PCDH15: variants seen among roughly 807,000 people sequenced by gnomAD.
PCDH15 encodes protocadherin-15.
In PCDH15, 129 loss-of-function variants were observed where a neutral mutation model predicts 178.5. The ratio of observed to expected loss-of-function variants is 0.72; its 90% CI spans 0.63 to 0.84. The LOEUF (loss-of-function observed/expected upper bound fraction) is 0.84, where lower values mean the gene tolerates loss of function less well. Among genes scored for constraint, PCDH15 ranks in the 40% least tolerant of loss-of-function variants. The pLI is 0.00. For missense variants in PCDH15, 2,230 were observed against 2,099.9 expected (o/e 1.06, Z -1.21); for synonymous variants, 800 against 732.0 (o/e 1.09, Z -1.50).
At chr10:53,949,928 C>A (rs930343912) in intron 23 of PCDH15, among the ~76,000 whole-genome samples, 1 of 152,068 alleles carries the variant, frequency 6.6e-6, no homozygotes, top group Non-Finnish European at 1.5e-5. Context: ...AGGTATAATG[C>A]TAATCCTTTG....
At chr10:54,066,334 G>A (rs535354805) in intron 18 of PCDH15, among the ~76,000 whole-genome samples, 1 of 152,178 alleles carries the variant, frequency 6.6e-6, no homozygotes, top group East Asian at 1.9e-4. Flanking sequence ...GCTGGAAAAG[G>A]TGTGTGTGCA....
chr10:54,782,695 C>G lies in PCDH15; in HGVS notation c.-29+18230G>C, dbSNP rs922330121. The stretch of plus-strand genomic sequence containing the variant: ...CAAGCTTATACACGACCTCAGGGAC[C>G]TAAGAACTAGCCCACCAAGCTTGCT... On this transcript the variant is annotated intron_variant, in intron 1 of 37. Coordinates refer to ENST00000644397, the MANE Select transcript of PCDH15 (RefSeq NM_001384140.1). Among the ~76,000 whole-genome samples the G allele has an allele frequency of 7.2e-5, 11 of 151,974 alleles. 1 individual carries two copies. The highest frequency in any genetic ancestry group is 4.1e-4 in the South Asian group (2 of 4,826).
chr10:55,396,001 T>C (rs1298071944), intron 2 of PCDH15, among the ~76,000 whole-genome samples: 1 of 152,192 alleles, frequency 6.6e-6, no homozygotes, highest in Non-Finnish European at 1.5e-5. Flanking sequence ...AAATGCTATA[T>C]AAGCTAGCAT....
At chr10:55,139,491 A>G (rs1272975282) in intron 2 of PCDH15, among the ~76,000 whole-genome samples, 2 of 151,988 alleles carry the variant, frequency 1.3e-5, no homozygotes, top group African/African-American at 4.8e-5. Flanking sequence ...GAGGTTCATT[A>G]TTTGCCTTTA....
Position 54,786,551 on chromosome 10 carries a change from CA to C in PCDH15, c.-29+14373del, listed in dbSNP as rs1950894542. Among the ~76,000 whole-genome samples the C allele has an allele frequency of 2.0e-5, 3 of 151,912 alleles. No individual in the cohort carries two copies. In the South Asian group the frequency reaches 6.2e-4, roughly 31 times the overall value. On this transcript the variant is annotated intron_variant, in intron 1 of 37. Coordinates refer to ENST00000644397, the MANE Select transcript of PCDH15 (RefSeq NM_001384140.1). ...CACAAGAAACAGCTGTCTTGAGAAA[CA>C]AATCTGATTTATTCATTTAATAAAC...
intron 16 of PCDH15, among the ~76,000 whole-genome samples, chr10:54,089,451 T>C (rs917774674): frequency 6.6e-6 from 1 of 152,198 alleles, no homozygotes; most frequent in African/African-American, 2.4e-5. Context: ...CTGCTCCCAG[T>C]TTTCTCAATA....
At chr10:54,180,409 TAA>T (rs2047879955) in intron 13 of PCDH15, among the ~76,000 whole-genome samples, 1 of 152,226 alleles carries the variant, frequency 6.6e-6, no homozygotes, top group Non-Finnish European at 1.5e-5. Flanking sequence ...CACATCAGGC[TAA>T]AAGAGTCTCA....
rs568853084 is a variant in PCDH15, at chr10:53,987,068, C to T, written c.2868+8581G>A. Reference sequence around the variant, plus strand: ...TTTGCATATGAGGGGCCATCATACACCAGACACAATTCATACAAAGAAAAG... The same window carrying T: ...TTTGCATATGAGGGGCCATCATACATCAGACACAATTCATACAAAGAAAAG... On this transcript the variant is annotated intron_variant, in intron 21 of 37. Coordinates refer to ENST00000644397, the MANE Select transcript of PCDH15 (RefSeq NM_001384140.1). Among the ~76,000 whole-genome samples, 255 of 151,948 alleles carry T rather than the reference C, an allele frequency of 1.7e-3. 7 individuals are homozygous for T. In the South Asian group the frequency reaches 0.05, roughly 30 times the overall value.
intron 32 of PCDH15, among the ~76,000 whole-genome samples, chr10:53,827,004 A>G (rs2076722782): frequency 1.3e-5 from 2 of 151,882 alleles, no homozygotes; most frequent in African/African-American, 4.8e-5. Flanking sequence ...ATTGTGCTTT[A>G]TTTCTCTCGT....
At chr10:53,899,150 G>GC (rs1333769869) in intron 26 of PCDH15, among the ~76,000 whole-genome samples, 1 of 148,784 alleles carries the variant, frequency 6.7e-6, no homozygotes, top group Non-Finnish European at 1.5e-5. Flanking sequence ...TTCGGGGGGG[G>GC]GTGGTCTAGT....
At chr10:54,955,610 T>C (rs1838465031) in intron 2 of PCDH15, among the ~76,000 whole-genome samples, 1 of 151,464 alleles carries the variant, frequency 6.6e-6, no homozygotes, top group South Asian at 2.1e-4. Flanking sequence ...TAAGTACTAA[T>C]ATTCATAAAA....
Position 53,821,165 on chromosome 10 carries a change from A to G in PCDH15, c.4368-935T>C, listed in dbSNP as rs1008593265. ...GAAAGCACAATGAGAAATAAAGAGA[A>G]TAAGACAGCAACTGAAAAAGTATAA... is the stretch of plus-strand genomic sequence containing the variant. On this transcript the variant is annotated intron_variant, in intron 32 of 37. Transcript: ENST00000644397. 5 of 972,008 alleles carry G rather than the reference A, an allele frequency of 5.1e-6. No homozygotes were observed. In the African/African-American group the frequency reaches 8.8e-5, roughly 17 times the overall value. The allele number at this position is 972,008 out of a possible 1,614,324, so 60.2% of individuals were successfully genotyped here. A position where few individuals can be genotyped will look rare whatever the true frequency, so the allele number is the denominator to read the frequency against.
chr10:55,418,429 T>C (rs1182947679), intron 2 of PCDH15, among the ~76,000 whole-genome samples: 2 of 151,646 alleles, frequency 1.3e-5, no homozygotes. Context: ...AAATAATGTC[T>C]AAAACGTGGA....
At chr10:53,983,839 A>G (rs1479069243) in intron 21 of PCDH15, among the ~76,000 whole-genome samples, 4 of 152,116 alleles carry the variant, frequency 2.6e-5, no homozygotes, top group African/African-American at 4.8e-5. Context: ...CCTATATTCT[A>G]TGCCTTAAAT....
intron 15 of PCDH15, among the ~76,000 whole-genome samples, chr10:54,124,662 A>C (rs1050023051): frequency 6.6e-6 from 1 of 152,204 alleles, no homozygotes; most frequent in African/African-American, 2.4e-5. Flanking sequence ...TGACATTATA[A>C]ATTTTACGAT....
intron 2 of PCDH15, among the ~76,000 whole-genome samples, chr10:54,627,127 C>T (rs547536260): frequency 2.0e-5 from 3 of 152,154 alleles, no homozygotes; most frequent in Non-Finnish European, 2.9e-5. Context: ...AAGTAACTTG[C>T]TTTTGATTTT....
intron 32 of PCDH15, among the ~76,000 whole-genome samples, chr10:53,820,775 G>C (rs1203963003): frequency 6.6e-6 from 1 of 151,956 alleles, no homozygotes; most frequent in Non-Finnish European, 1.5e-5. Context: ...AAGTGATGCT[G>C]TTCGAATTTA....
At chr10:55,250,693 C>T (rs1000200428) in intron 1 of PCDH15, among the ~76,000 whole-genome samples, 4 of 151,544 alleles carry the variant, frequency 2.6e-5, no homozygotes, top group Non-Finnish European at 4.4e-5. Flanking sequence ...CCCGCCACCA[C>T]ACCCAGCTAT....
At chr10:54,016,441 T>C (rs2092743126) in intron 20 of PCDH15, among the ~76,000 whole-genome samples, 2 of 152,124 alleles carry the variant, frequency 1.3e-5, no homozygotes, top group African/African-American at 2.4e-5. Flanking sequence ...ATTAGTATCA[T>C]GCTATTCACA....
Sources: gnomAD v4.1 joint callset for allele counts (sites outside exome capture counted in the v4.1 genomes callset) on GRCh38, gnomAD v4.1.1 for gene constraint, MANE v1.5 for transcripts, NCBI Gene and HGNC (gene_info 2026-07-23, HGNC 2026-07-21) for gene names.